XKR3: variants seen among roughly 807,000 people sequenced by gnomAD.
XKR3 encodes the protein XK-related protein 3.
A neutral mutation model predicts 40.3 loss-of-function variants in XKR3; 27 were observed. The observed-to-expected ratio is 0.67, with a 90% CI of 0.49 to 0.92. XKR3 has a LOEUF of 0.92. Ranked by LOEUF, XKR3 falls within the 40% of genes least tolerant of loss-of-function variation. The pLI is 0.00. For missense variants in XKR3, 472 were observed against 537.6 expected (o/e 0.88, Z 1.21); for synonymous variants, 193 against 195.4 (o/e 0.99, Z 0.10).
rs1296956715 is a variant in XKR3 at position 16,798,807 on chromosome 22, A to C, written c.589+964T>G. Among the ~76,000 whole-genome samples, 4 of 152,226 alleles carry C rather than the reference A, an allele frequency of 2.6e-5. No homozygotes were observed. The East Asian group carries it at 7.7e-4, about 29-fold the overall frequency. ...CATAAGCAGAAGCTGAACATTCAGC[A>C]CACCTGAACTTAAATATGGAAATAA... On this transcript the variant is annotated intron_variant, in intron 3 of 3. Transcript: ENST00000684488.
chr22:16,797,376 C>A (rs1179831525), intron 3 of XKR3, among the ~76,000 whole-genome samples: 4 of 152,134 alleles, frequency 2.6e-5, no homozygotes, highest in Non-Finnish European at 2.9e-5. Context: ...GTAAACAGAG[C>A]AAACAGACAA....
At chr22:16,792,841 T>G (rs935717601) in intron 3 of XKR3, among the ~76,000 whole-genome samples, 1 of 152,206 alleles carries the variant, frequency 6.6e-6, no homozygotes, top group African/African-American at 2.4e-5. Flanking sequence ...TTTTACATGT[T>G]GCAACCAGCA....
At chr22:16,811,116 CTTCT>C (rs1248501231) in intron 1 of XKR3, among the ~76,000 whole-genome samples, 2 of 141,682 alleles carry the variant, frequency 1.4e-5, no homozygotes, top group Admixed American at 7.1e-5. Flanking sequence ...TTTTCACTTT[CTTCT>C]TTTTTTTTTT....
intron 2 of XKR3, among the ~76,000 whole-genome samples, chr22:16,801,399 C>G (rs549324955): frequency 1.3e-5 from 2 of 152,132 alleles, no homozygotes; most frequent in East Asian, 3.9e-4. Flanking sequence ...CAAAAATTAG[C>G]CTGGTGTGGT....
chr22:16,791,802 AGAGAGAGAGAAAGAGAG>A (rs2060119562), intron 3 of XKR3, among the ~76,000 whole-genome samples: 3 of 121,872 alleles, frequency 2.5e-5, no homozygotes, highest in Non-Finnish European at 3.5e-5. Flanking sequence ...AGAGAGAGAG[AGAGAGAGAGAAAGAGAG>A]AGAGAGAGAG....
chr22:16,806,393 G>T (rs2060189651), intron 2 of XKR3, among the ~76,000 whole-genome samples: 1 of 148,106 alleles, frequency 6.8e-6, no homozygotes, highest in African/African-American at 2.5e-5. Flanking sequence ...AAATTTACAT[G>T]TTTATATAAT....
rs771292132 is a variant in XKR3, at chr22:16,799,961, C to A, written c.399G>T (p.Glu133Asp). Residue 133 changes from glutamate to aspartate, a missense_variant, in exon 3 of 4, where the codon GAG becomes GAT. By Grantham distance (45) the Glu-to-Asp change is conservative (BLOSUM62 2). Coordinates refer to ENST00000684488, the MANE Select transcript of XKR3 (RefSeq NM_001386955.1). ...WLKNLKQEKE[E>D]TQVSITKRNT... Reference sequence around the variant, plus strand: ...TTCTCTTTGTGATGCTAACTTGAGTCTCTTCCTTCTCCTGTTTAAGATTTT... The same window carrying A: ...TTCTCTTTGTGATGCTAACTTGAGTATCTTCCTTCTCCTGTTTAAGATTTT... 2 of 1,614,104 alleles carry A rather than the reference C, an allele frequency of 1.2e-6. No individual in the cohort carries two copies. The highest frequency in any genetic ancestry group is 2.2e-5 in the South Asian group (2 of 91,076).
intron 1 of XKR3, among the ~76,000 whole-genome samples, chr22:16,811,182 C>T (rs1241305420): frequency 2.0e-5 from 3 of 148,818 alleles, no homozygotes; most frequent in Non-Finnish European, 4.4e-5. Context: ...GCAGAAGTGG[C>T]AGGATCTCGG....
intron 3 of XKR3, among the ~76,000 whole-genome samples, chr22:16,786,579 G>A (rs1479207802): frequency 6.6e-6 from 1 of 152,190 alleles, no homozygotes; most frequent in Non-Finnish European, 1.5e-5. Flanking sequence ...TGCCTTGAGT[G>A]CATCCAGTGC....
At chr22:16,800,745 A>G (rs2060165430) in intron 2 of XKR3, among the ~76,000 whole-genome samples, 1 of 152,196 alleles carries the variant, frequency 6.6e-6, no homozygotes, top group Non-Finnish European at 1.5e-5. Context: ...AAATCACAAA[A>G]CATGAATAAA....
intron 1 of XKR3, among the ~76,000 whole-genome samples, chr22:16,823,356 C>T (rs175139): frequency 0.6 from 91,041 of 151,964 alleles, 27,397 homozygotes; most frequent in African/African-American, 0.61. Context: ...TTCCTATTGA[C>T]ATCATTATAA....
chr22:16,791,315 TAA>T (rs1229146626), intron 3 of XKR3, among the ~76,000 whole-genome samples: 2 of 141,558 alleles, frequency 1.4e-5, no homozygotes, highest in East Asian at 2.1e-4. Flanking sequence ...TGAGAAAACT[TAA>T]AAAAAAAAAG....
At chr22:16,804,740 G>A (rs904573044) in intron 2 of XKR3, among the ~76,000 whole-genome samples, 4 of 152,112 alleles carry the variant, frequency 2.6e-5, no homozygotes, top group Non-Finnish European at 5.9e-5. Flanking sequence ...CCTATAGCCT[G>A]GAGTCCACCC....
At chr22:16,785,174 G>A (rs1226638579) in intron 3 of XKR3, among the ~76,000 whole-genome samples, 5 of 152,082 alleles carry the variant, frequency 3.3e-5, no homozygotes, top group African/African-American at 1.2e-4. Context: ...AAAATTAGCC[G>A]GGCGTAGTGG....
intron 3 of XKR3, among the ~76,000 whole-genome samples, chr22:16,796,761 G>A (rs1255615579): frequency 1.6e-4 from 24 of 152,302 alleles, no homozygotes; most frequent in African/African-American, 5.8e-4. Flanking sequence ...ATTATTTAAT[G>A]CTATCCCTGT....
chr22:16,799,964 T>C lies in XKR3; in HGVS notation c.396A>G (p.Glu132=). Residue 132 remains glutamate (E), a synonymous_variant, in exon 3 of 4, where the codon GAA becomes GAG. Coordinates refer to ENST00000684488, the MANE Select transcript of XKR3 (RefSeq NM_001386955.1). The part of the protein sequence containing the change: ...KWLKNLKQEK[E]ETQVSITKRN... ...TCTTTGTGATGCTAACTTGAGTCTC[T>C]TCCTTCTCCTGTTTAAGATTTTTCA... The C allele has an allele frequency of 2.5e-6, 4 of 1,614,144 alleles. No homozygotes were observed. Among genetic ancestry groups the C allele is most frequent in the Non-Finnish European group, 3.4e-6 (4 of 1,180,008 alleles).
rs141770607 is a variant in XKR3, at chr22:16,823,641, T to A, written c.-11+1650A>T. 3.3e-3 allele frequency among the ~76,000 whole-genome samples: 501 copies of A among 152,302 alleles called. 1 individual carries two copies. Among genetic ancestry groups the A allele is most frequent in the African/African-American group, 0.011 (454 of 41,562 alleles). On this transcript the variant is annotated intron_variant, in intron 1 of 3. Coordinates refer to ENST00000684488, the MANE Select transcript of XKR3 (RefSeq NM_001386955.1). ...TATATCTGATTGCCAATTTGCAGCA[T>A]CACAAGACTAGTAAACATTTACTGT...
intron 2 of XKR3, among the ~76,000 whole-genome samples, chr22:16,806,190 C>T (rs150531510): frequency 6.7e-4 from 99 of 148,852 alleles, no homozygotes; most frequent in African/African-American, 1.9e-3. Flanking sequence ...GCTTTGTAGG[C>T]AGAGGTTGCA....
intron 3 of XKR3, among the ~76,000 whole-genome samples, chr22:16,794,277 GAAAC>G (rs1282648886): frequency 5.3e-5 from 8 of 151,988 alleles, no homozygotes; most frequent in East Asian, 1.9e-4. Flanking sequence ...ACTGCAAAAA[GAAAC>G]AAACAAACAA....
Sources: allele counts gnomAD v4.1 joint callset (sites outside exome capture counted in the v4.1 genomes callset), GRCh38; gene constraint gnomAD v4.1.1; transcripts MANE v1.5; gene names NCBI Gene and HGNC (gene_info 2026-07-23, HGNC 2026-07-21).